DCDC1: variants seen among roughly 807,000 people sequenced by gnomAD.
The protein encoded by DCDC1 is doublecortin domain-containing protein 1.
A neutral mutation model predicts 178.3 loss-of-function variants in DCDC1; 200 were observed. The ratio of observed to expected loss-of-function variants is 1.12; its 90% confidence interval spans 1.00 to 1.26. DCDC1 has a LOEUF of 1.26. Ranked by LOEUF, DCDC1 falls within the 50% of genes most tolerant of loss-of-function variation. DCDC1 has a pLI of 0.00. For synonymous variants in DCDC1, 690 were observed against 604.8 expected (o/e 1.14, Z -2.07); for missense variants, 1,983 against 1,749.2 (o/e 1.13, Z -2.38).
intron 9 of DCDC1, among the ~76,000 whole-genome samples, chr11:31,138,672 T>C (rs573178469): frequency 5.3e-4 from 80 of 152,288 alleles, no homozygotes; most frequent in South Asian, 2.9e-3. Context: ...TTTGTTAGTG[T>C]TGTTATTTGA....
intron 7 of DCDC1, among the ~76,000 whole-genome samples, chr11:31,285,615 T>C (rs1028336991): frequency 3.3e-5 from 5 of 152,132 alleles, no homozygotes; most frequent in African/African-American, 9.6e-5. Flanking sequence ...TCTTAATTTT[T>C]TGTTTAAGCT....
chr11:31,285,578 T>C lies in DCDC1; in HGVS notation c.960+5069A>G, dbSNP rs1019725772. ...ATTATATTGTGTTATTTCAATTGAA[T>C]TGGGCCTTTCTTAAGCTTGAAAATT... On this transcript the variant is annotated intron_variant, in intron 7 of 38. Coordinates refer to ENST00000684477, the MANE Select transcript of DCDC1 (RefSeq NM_001387274.1). Among the ~76,000 whole-genome samples the C allele has an allele frequency of 7.2e-5, 11 of 152,164 alleles. No individual in the cohort carries two copies. The East Asian group carries it at 1.9e-3, about 27-fold the overall frequency.
At chr11:30,972,178 TTATAG>T (rs1036662181) in intron 20 of DCDC1, among the ~76,000 whole-genome samples, 4 of 152,308 alleles carry the variant, frequency 2.6e-5, no homozygotes, top group Admixed American at 2.0e-4. Context: ...CCATTGCATA[TTATAG>T]TATAACTGGC....
chr11:31,294,456 G>A (rs1213491220), intron 6 of DCDC1, among the ~76,000 whole-genome samples: 17 of 150,768 alleles, frequency 1.1e-4, no homozygotes, highest in African/African-American at 3.9e-4. Context: ...TGTGGTGGGC[G>A]CCTGTAATCC....
intron 18 of DCDC1, among the ~76,000 whole-genome samples, chr11:31,065,792 T>G (rs1337335822): frequency 6.6e-6 from 1 of 152,178 alleles, no homozygotes; most frequent in East Asian, 1.9e-4. Context: ...TAGCCACCCA[T>G]TGTTGACTCT....
At chr11:31,086,085 C>T (rs1156828708) in intron 17 of DCDC1, among the ~76,000 whole-genome samples, 1 of 152,062 alleles carries the variant, frequency 6.6e-6, no homozygotes, top group African/African-American at 2.4e-5. Context: ...TGAATGTATG[C>T]TTTCATTTTC....
intron 9 of DCDC1, among the ~76,000 whole-genome samples, chr11:31,145,202 T>C (rs1964307550): frequency 6.6e-6 from 1 of 152,170 alleles, no homozygotes; most frequent in African/African-American, 2.4e-5. Context: ...TTTAGAAAAG[T>C]AATGAAGTAC....
At chr11:31,228,511 A>G (rs1166251173) in intron 9 of DCDC1, among the ~76,000 whole-genome samples, 1 of 152,104 alleles carries the variant, frequency 6.6e-6, no homozygotes, top group Non-Finnish European at 1.5e-5. Context: ...AACTAGAAAA[A>G]GAAATATCAA....
intron 20 of DCDC1, among the ~76,000 whole-genome samples, chr11:30,998,188 G>T (rs1951377168): frequency 6.6e-6 from 1 of 151,986 alleles, no homozygotes; most frequent in African/African-American, 2.4e-5. Context: ...GCTACTCAGG[G>T]GGCTGAGATG....
At chr11:31,098,487 A>T (rs1958295385) in intron 15 of DCDC1, among the ~76,000 whole-genome samples, 1 of 152,220 alleles carries the variant, frequency 6.6e-6, no homozygotes, top group South Asian at 2.1e-4. Context: ...CTCTGTAGGA[A>T]AGGTTCTACT....
chr11:31,022,497 C>T (rs1037262322), intron 20 of DCDC1, among the ~76,000 whole-genome samples: 9 of 152,194 alleles, frequency 5.9e-5, no homozygotes, highest in African/African-American at 1.7e-4. Flanking sequence ...ATAACTTCAA[C>T]ATATCTTTTG....
chr11:30,895,749 A>G (rs1185510971), intron 34 of DCDC1, among the ~76,000 whole-genome samples: 1 of 152,216 alleles, frequency 6.6e-6, no homozygotes, highest in African/African-American at 2.4e-5. Flanking sequence ...CCATTAAGCA[A>G]TGCACTTTGG....
intron 36 of DCDC1, 43 bp from the exon 37 acceptor site, chr11:30,881,351 C>T (rs1942649737): frequency 2.5e-6 from 4 of 1,592,700 alleles, no homozygotes; most frequent in Non-Finnish European, 2.6e-6. Context: ...CGGAATGGCA[C>T]AATATGATCA....
At chr11:31,229,983 T>A (rs1975553099) in intron 9 of DCDC1, among the ~76,000 whole-genome samples, 1 of 152,062 alleles carries the variant, frequency 6.6e-6, no homozygotes, top group Admixed American at 6.6e-5. Flanking sequence ...CACTACTATT[T>A]AATATAGTAC....
chr11:31,189,836 TA>T (rs1353438796), intron 9 of DCDC1, among the ~76,000 whole-genome samples: 7 of 152,176 alleles, frequency 4.6e-5, no homozygotes, highest in Non-Finnish European at 1.0e-4. Flanking sequence ...TCAAGACCCT[TA>T]ACTTCATTGC....
chr11:30,935,252 T>A (rs967679230), intron 21 of DCDC1, among the ~76,000 whole-genome samples: 5 of 152,190 alleles, frequency 3.3e-5, no homozygotes, highest in African/African-American at 1.2e-4. Flanking sequence ...TAGTCCATCA[T>A]ACGTCATCCC....
Position 30,904,998 on chromosome 11 carries a change from C to A in DCDC1, c.4271G>T (p.Arg1424Leu), listed in dbSNP as rs754104310. ...IIAYKNGDGYRNGKLIVAGTF... is the reference protein window; with the variant it reads ...IIAYKNGDGYLNGKLIVAGTF... ...TCCAGCCACAATTAACTTCCCATTACGATACCCATCCCCATTTTTGTATGC... is the reference window on the plus strand; with the variant it reads ...TCCAGCCACAATTAACTTCCCATTAAGATACCCATCCCCATTTTTGTATGC... Residue 1424 changes from arginine to leucine, a missense_variant, in exon 31 of 39, where the codon CGT becomes CTT. Coordinates refer to ENST00000684477, the MANE Select transcript of DCDC1 (RefSeq NM_001387274.1). 6.2e-7 allele frequency: 1 copy of A among 1,613,808 alleles called. No homozygotes were observed. Among genetic ancestry groups the A allele is most frequent in the South Asian group, 1.1e-5 (1 of 91,088 alleles).
intron 9 of DCDC1, among the ~76,000 whole-genome samples, chr11:31,209,431 G>A (rs1022756173): frequency 2.0e-5 from 3 of 152,220 alleles, no homozygotes; most frequent in Admixed American, 6.5e-5. Flanking sequence ...ATTAAATAGT[G>A]TCAAATATTA....
chr11:31,097,676 T>A (rs1485738936), intron 15 of DCDC1, among the ~76,000 whole-genome samples: 2 of 152,164 alleles, frequency 1.3e-5, no homozygotes, highest in Admixed American at 6.5e-5. Flanking sequence ...ATCTAACTGG[T>A]CTGAATATAA....
Sources: allele counts gnomAD v4.1 joint callset (sites outside exome capture counted in the v4.1 genomes callset), GRCh38; gene constraint gnomAD v4.1.1; transcripts MANE v1.5; gene names NCBI Gene and HGNC (gene_info 2026-07-23, HGNC 2026-07-21).